Variants in LINGO2 observed in about 807,000 individuals in gnomAD.
LINGO2 encodes leucine-rich repeat and immunoglobulin-like domain-containing nogo receptor-interacting protein 2.
In LINGO2, 14 loss-of-function variants were observed where a neutral mutation model predicts 30.6. The ratio of observed to expected loss-of-function variants is 0.46; its 90% CI spans 0.30 to 0.72. The LOEUF (loss-of-function observed/expected upper bound fraction) is 0.72, where lower values mean the gene tolerates loss of function less well. Ranked by LOEUF, LINGO2 falls within the 30% of genes least tolerant of loss-of-function variation. The pLI is 0.07. For missense variants in LINGO2, 729 were observed against 751.7 expected (o/e 0.97, Z 0.35); for synonymous variants, 317 against 288.5 (o/e 1.10, Z -1.00).
chr9:29,105,138 T>G, the LINGO2 span, among the ~76,000 whole-genome samples: 1 of 152,224 alleles, frequency 6.6e-6, no homozygotes, highest in Non-Finnish European at 1.5e-5. Context: ...TCTTCATTAT[T>G]TTATTTCACA....
At chr9:28,623,644 G>A (rs930956670) in intron 1 of LINGO2, among the ~76,000 whole-genome samples, 1 of 151,914 alleles carries the variant, frequency 6.6e-6, no homozygotes, top group South Asian at 2.1e-4. Context: ...CTCCCGTTTT[G>A]TTCTTTTTGC....
At chr9:28,104,956 C>T (rs1247505688) in intron 4 of LINGO2, among the ~76,000 whole-genome samples, 1 of 152,096 alleles carries the variant, frequency 6.6e-6, no homozygotes. Flanking sequence ...GCTGGGCTCA[C>T]TATATAACAG....
chr9:28,578,078 G>C (rs1824079033), intron 1 of LINGO2, among the ~76,000 whole-genome samples: 1 of 152,186 alleles, frequency 6.6e-6, no homozygotes, highest in Admixed American at 6.6e-5. Context: ...CATTCAGAAG[G>C]TGCTGAAACT....
At chr9:28,815,505 A>G in the LINGO2 span, among the ~76,000 whole-genome samples, 1 of 152,110 alleles carries the variant, frequency 6.6e-6, no homozygotes, top group Non-Finnish European at 1.5e-5. Flanking sequence ...TTAACTCAAA[A>G]AGCTGATTTG....
chr9:28,525,026 A>G (rs1246512736), intron 1 of LINGO2, among the ~76,000 whole-genome samples: 1 of 152,186 alleles, frequency 6.6e-6, no homozygotes, highest in Non-Finnish European at 1.5e-5. Context: ...AATCAGCAAA[A>G]GGATTTTTAA....
chr9:29,045,555 T>G, the LINGO2 span, among the ~76,000 whole-genome samples: 4 of 151,794 alleles, frequency 2.6e-5, no homozygotes, highest in Non-Finnish European at 4.4e-5. Flanking sequence ...GAAAAAGGAT[T>G]TGATAAGATC....
At chr9:28,609,942 T>G (rs1825847134) in intron 1 of LINGO2, among the ~76,000 whole-genome samples, 2 of 152,120 alleles carry the variant, frequency 1.3e-5, no homozygotes, top group African/African-American at 4.8e-5. Context: ...TACTTGTCAT[T>G]GAAAGACATA....
At chr9:28,645,377 C>G (rs1827792646) in intron 1 of LINGO2, among the ~76,000 whole-genome samples, 1 of 152,136 alleles carries the variant, frequency 6.6e-6, no homozygotes, top group African/African-American at 2.4e-5. Flanking sequence ...GTGCCTTTAT[C>G]CTGTAGTCAA....
chr9:28,540,481 C>T (rs546802037), intron 1 of LINGO2, among the ~76,000 whole-genome samples: 14 of 151,990 alleles, frequency 9.2e-5, no homozygotes, highest in African/African-American at 3.4e-4. Context: ...AGGCTGGGCT[C>T]GAATTCCTGA....
chr9:28,350,310 C>A (rs1486100890), intron 3 of LINGO2, among the ~76,000 whole-genome samples: 1 of 142,940 alleles, frequency 7.0e-6, no homozygotes, highest in African/African-American at 2.6e-5. Context: ...GGAAGATCTA[C>A]CAAGCCAATG....
At chr9:28,607,124 G>A (rs1180755389) in intron 1 of LINGO2, among the ~76,000 whole-genome samples, 1 of 151,982 alleles carries the variant, frequency 6.6e-6, no homozygotes, top group Non-Finnish European at 1.5e-5. Flanking sequence ...GCTTCTCAAA[G>A]AGGACTAAGT....
chr9:29,074,085 A>C, the LINGO2 span, among the ~76,000 whole-genome samples: 1 of 152,118 alleles, frequency 6.6e-6, no homozygotes, highest in African/African-American at 2.4e-5. Flanking sequence ...AGTTATTATT[A>C]ATCAATTGTT....
intron 1 of LINGO2, among the ~76,000 whole-genome samples, chr9:28,645,877 A>T (rs1014111392): frequency 1.3e-5 from 2 of 152,126 alleles, no homozygotes; most frequent in African/African-American, 4.8e-5. Context: ...CAGTGCGCAG[A>T]TTGATTAGAG....
chr9:28,883,780 C>G, the LINGO2 span, among the ~76,000 whole-genome samples: 1 of 149,744 alleles, frequency 6.7e-6, no homozygotes, highest in African/African-American at 2.5e-5. Flanking sequence ...AAGGTTCAAG[C>G]AATTCTCCTG....
intron 4 of LINGO2, among the ~76,000 whole-genome samples, chr9:28,023,035 ATC>A (rs568952041): frequency 1.3e-3 from 193 of 152,130 alleles, no homozygotes; most frequent in Non-Finnish European, 2.2e-3. Flanking sequence ...AGTTTTCCAT[ATC>A]TCTGATTATA....
chr9:27,972,800 A>ATAGT (rs1371840112), intron 5 of LINGO2, among the ~76,000 whole-genome samples: 1 of 152,172 alleles, frequency 6.6e-6, no homozygotes, highest in East Asian at 1.9e-4. Context: ...AAGGACATTG[A>ATAGT]TAGTTACATT....
intron 4 of LINGO2, among the ~76,000 whole-genome samples, chr9:28,022,792 T>C (rs1004419663): frequency 1.3e-5 from 2 of 152,014 alleles, no homozygotes; most frequent in Non-Finnish European, 2.9e-5. Flanking sequence ...TGTTTTCTCT[T>C]CTCCTTTCTC....
chr9:28,767,174 A>G, the LINGO2 span, among the ~76,000 whole-genome samples: 2 of 152,222 alleles, frequency 1.3e-5, no homozygotes, highest in Non-Finnish European at 1.5e-5. Flanking sequence ...GATGTACAGC[A>G]TGATGAGTAT....
chr9:28,061,373 C>A (rs1031622752), intron 4 of LINGO2, among the ~76,000 whole-genome samples: 1 of 151,714 alleles, frequency 6.6e-6, no homozygotes, highest in Non-Finnish European at 1.5e-5. Flanking sequence ...AACATAACTA[C>A]GCCTCAGTGG....
Sources: allele counts gnomAD v4.1 joint callset (sites outside exome capture counted in the v4.1 genomes callset), GRCh38; gene constraint gnomAD v4.1.1; transcripts MANE v1.5; gene names NCBI Gene and HGNC (gene_info 2026-07-23, HGNC 2026-07-21).